The following RGS22 variants were observed in gnomAD, a reference collection of about 807,000 sequenced individuals.
RGS22 encodes regulator of G-protein signaling 22.
RGS22 carries 148 observed loss-of-function variants against 172.9 expected under a neutral mutation model. That is an observed-to-expected ratio of 0.86 (90% CI 0.75 to 0.98). RGS22 has a LOEUF of 0.98. Among genes scored for constraint, RGS22 ranks in the 50% least tolerant of loss-of-function variants. The pLI is 0.00. For synonymous variants in RGS22, 458 were observed against 480.2 expected, an observed-to-expected ratio of 0.95 and a Z score of 0.60; for missense variants, 1,347 against 1,440.8, an observed-to-expected ratio of 0.93 and a Z score of 1.05.
intron 20 of RGS22, among the ~76,000 whole-genome samples, chr8:99,991,631 T>C (rs1276163934): frequency 6.6e-6 from 1 of 152,140 alleles, no homozygotes; most frequent in Non-Finnish European, 1.5e-5. Context: ...AGACCAAATC[T>C]ACATTTTTGA....
At chr8:99,998,445 C>A (rs1178634821) in intron 19 of RGS22, among the ~76,000 whole-genome samples, 1 of 152,062 alleles carries the variant, frequency 6.6e-6, no homozygotes, top group Non-Finnish European at 1.5e-5. Context: ...GTGGAACTTT[C>A]CTATAGTCCT....
At chr8:99,978,330 C>T (rs1186886137) in intron 22 of RGS22, among the ~76,000 whole-genome samples, 1 of 151,868 alleles carries the variant, frequency 6.6e-6, no homozygotes, top group Admixed American at 6.6e-5. Flanking sequence ...TTTATGTCTC[C>T]CTAACCAATT....
chr8:99,983,621 G>A (rs183159799), intron 21 of RGS22, among the ~76,000 whole-genome samples: 175 of 152,226 alleles, frequency 1.1e-3, no homozygotes, highest in African/African-American at 4.0e-3. Flanking sequence ...ATCCGTTCAT[G>A]TCCTTTGCCC....
intron 2 of RGS22, among the ~76,000 whole-genome samples, chr8:100,101,443 A>ATTTTTTTTTTTT: frequency 8.6e-6 from 1 of 116,778 alleles, no homozygotes; most frequent in Non-Finnish European, 1.7e-5. Context: ...TGCCCAGCTA[A>ATTTTTTTTTTTT]TTTTTTTTTT....
chr8:100,053,004 TTGAA>T, intron 9 of RGS22, 28 bp from the exon 10 acceptor site: 3 of 1,599,142 alleles, frequency 1.9e-6, no homozygotes, highest in Non-Finnish European at 2.6e-6. Flanking sequence ...AAATGTAAGA[TTGAA>T]CTAAACAACA....
chr8:100,072,698 C>A (rs374470350), intron 4 of RGS22, among the ~76,000 whole-genome samples: 9 of 151,972 alleles, frequency 5.9e-5, no homozygotes, highest in African/African-American at 1.9e-4. Context: ...CATCTCCAGG[C>A]GCTCTCTTAC....
chr8:99,983,855 A>G (rs1272734067), intron 21 of RGS22, among the ~76,000 whole-genome samples: 2 of 152,250 alleles, frequency 1.3e-5, no homozygotes, highest in African/African-American at 4.8e-5. Flanking sequence ...ATATTACAAA[A>G]GAAACAAAAA....
chr8:100,094,276 GTTTAT>G (rs1276338225), intron 2 of RGS22, among the ~76,000 whole-genome samples: 1 of 152,074 alleles, frequency 6.6e-6, no homozygotes, highest in African/African-American at 2.4e-5. Flanking sequence ...TGGTACATGT[GTTTAT>G]TTTGTTATTC....
chr8:100,051,509 A>AT (rs1198935141), intron 10 of RGS22, among the ~76,000 whole-genome samples: 4 of 20,148 alleles, frequency 2.0e-4, no homozygotes, highest in Non-Finnish European at 2.8e-4. Flanking sequence ...ATAAATATAT[A>AT]TAAATATATT....
intron 9 of RGS22, among the ~76,000 whole-genome samples, chr8:100,057,596 T>C (rs772316910): frequency 2.0e-5 from 3 of 152,136 alleles, no homozygotes; most frequent in Non-Finnish European, 4.4e-5. Flanking sequence ...ATCTGATTTT[T>C]ATAAATGGGA....
At chr8:100,031,800 CA>C (rs981275920) in intron 14 of RGS22, among the ~76,000 whole-genome samples, 35 of 151,984 alleles carry the variant, frequency 2.3e-4, no homozygotes, top group Middle Eastern at 3.4e-3. Flanking sequence ...TATGTAATGT[CA>C]AAAAAACTGT....
chr8:100,007,644 T>C (rs931839362), intron 15 of RGS22, among the ~76,000 whole-genome samples: 1 of 152,100 alleles, frequency 6.6e-6, no homozygotes, highest in Admixed American at 6.6e-5. Flanking sequence ...AGGCCACTGC[T>C]GAAAACTAGC....
rs1820160250 is a variant in RGS22 at position 100,041,817 on chromosome 8, A to G, written c.1923T>C (p.Tyr641=). Reference sequence around the variant, plus strand: ...AAACACTCACCCTAGGTTCTTCTGTATAAGCGTATCTTCTATCCAGCTGGG... The same window carrying G: ...AAACACTCACCCTAGGTTCTTCTGTGTAAGCGTATCTTCTATCCAGCTGGG... ...LKPQLDRRYA[Y]TEEPRVKTVS... The change falls in exon 12 of 28, where the codon TAT becomes TAC. Residue 641 remains tyrosine (Y), a synonymous_variant. Coordinates refer to ENST00000360863, the MANE Select transcript of RGS22 (RefSeq NM_015668.5). 1 of 1,604,436 alleles carries G rather than the reference A, an allele frequency of 6.2e-7. No individual in the cohort carries two copies. Among genetic ancestry groups the G allele is most frequent in the South Asian group, 1.1e-5 (1 of 90,846 alleles).
rs75637582 is a variant in RGS22, at chr8:100,041,561, C to T, written c.1938+241G>A. On this transcript the variant is annotated intron_variant, in intron 12 of 27. Coordinates refer to ENST00000360863, the MANE Select transcript of RGS22 (RefSeq NM_015668.5). ...TATTTTTCTTTCAAGTGTCATCATA[C>T]CAAAACCAGAACACCATTGTGTTTG... 7.2e-3 allele frequency among the ~76,000 whole-genome samples: 1,084 copies of T among 151,492 alleles called. 12 individuals carry two copies. Among genetic ancestry groups the T allele is most frequent in the African/African-American group, 0.025 (1,034 of 41,340 alleles).
intron 4 of RGS22, among the ~76,000 whole-genome samples, chr8:100,075,220 G>C (rs1811265582): frequency 6.6e-6 from 1 of 152,170 alleles, no homozygotes; most frequent in African/African-American, 2.4e-5. Flanking sequence ...GGCCTAGTGG[G>C]AGAGATGTCT....
chr8:100,027,993 A>G (rs750469789), intron 14 of RGS22, among the ~76,000 whole-genome samples: 28 of 152,298 alleles, frequency 1.8e-4, no homozygotes, highest in South Asian at 4.1e-4. Flanking sequence ...TATTAAAAAT[A>G]AATTTTTATA....
chr8:100,086,824 G>A (rs534130608), intron 3 of RGS22, among the ~76,000 whole-genome samples: 3 of 152,092 alleles, frequency 2.0e-5, no homozygotes, highest in Non-Finnish European at 4.4e-5. Context: ...TCATTCTAAC[G>A]CATGCACATG....
intron 2 of RGS22, among the ~76,000 whole-genome samples, chr8:100,097,926 G>A (rs1269530366): frequency 6.6e-6 from 1 of 152,084 alleles, no homozygotes; most frequent in East Asian, 1.9e-4. Context: ...TACAAAAAGG[G>A]CTTATGGTGA....
chr8:100,099,758 G>A (rs899452524), intron 2 of RGS22, among the ~76,000 whole-genome samples: 9 of 152,120 alleles, frequency 5.9e-5, no homozygotes, highest in Non-Finnish European at 1.2e-4. Context: ...CTTTACAAAG[G>A]ACCTCTGGGA....
Sources: allele counts gnomAD v4.1 joint callset (sites outside exome capture counted in the v4.1 genomes callset), GRCh38; gene constraint gnomAD v4.1.1; transcripts MANE v1.5; gene names NCBI Gene and HGNC (gene_info 2026-07-23, HGNC 2026-07-21).